Variants in KHDRBS3 observed in about 807,000 individuals in gnomAD.
KHDRBS3 encodes KH RNA binding domain containing, signal transduction associated 3, also known as KH domain-containing, RNA-binding, signal transduction-associated protein 3.
KHDRBS3 carries 23 observed loss-of-function variants against 45.6 expected under a neutral mutation model. That is an observed-to-expected ratio of 0.50 (90% CI 0.36 to 0.72). The LOEUF (loss-of-function observed/expected upper bound fraction) is 0.72. Ranked by LOEUF, KHDRBS3 falls within the 30% of genes least tolerant of loss-of-function variation. KHDRBS3 has a pLI of 0.00. For missense variants in KHDRBS3, 352 were observed against 424.8 expected, an observed-to-expected ratio of 0.83 and a Z score of 1.51; for synonymous variants, 162 against 156.5, an observed-to-expected ratio of 1.04 and a Z score of -0.26.
intron 4 of KHDRBS3, among the ~76,000 whole-genome samples, chr8:135,555,299 C>T (rs575436391): frequency 2.6e-4 from 40 of 152,074 alleles, no homozygotes; most frequent in Middle Eastern, 3.2e-3. Flanking sequence ...CCACGTGCCA[C>T]ATGTGGCCCA....
In KHDRBS3 at chr8:135,462,237, GTT is replaced by G. The variant is rs541659142; in HGVS notation, c.88+4297_88+4298del. Among the ~76,000 whole-genome samples, 288 of 140,262 alleles carry G rather than the reference GTT, an allele frequency of 2.1e-3. 1 individual carries two copies. Among genetic ancestry groups the G allele is most frequent in the African/African-American group, 4.6e-3 (176 of 38,660 alleles). The allele number at this position is 140,262 out of a possible 152,430, so 92.0% of individuals were successfully genotyped here. The stretch of plus-strand genomic sequence containing the variant: ...TTTATTGTTTTTCTTTGTGTTATCA[GTT>G]TTTTTTTTTTTTTAAGAAAATGCGA... On this transcript the variant is annotated intron_variant, in intron 1 of 8. Coordinates refer to ENST00000355849, the MANE Select transcript of KHDRBS3 (RefSeq NM_006558.3).
intron 7 of KHDRBS3, among the ~76,000 whole-genome samples, chr8:135,638,341 C>T (rs1830906053): frequency 6.6e-6 from 1 of 152,166 alleles, no homozygotes; most frequent in African/African-American, 2.4e-5. Context: ...AGAGACAAAG[C>T]GTACGTTACT....
At chr8:135,585,732 A>G (rs895538241) in intron 6 of KHDRBS3, among the ~76,000 whole-genome samples, 9 of 152,200 alleles carry the variant, frequency 5.9e-5, no homozygotes, top group African/African-American at 2.2e-4. Flanking sequence ...TCCAGTTTTC[A>G]AAAGATTATT....
intron 4 of KHDRBS3, among the ~76,000 whole-genome samples, chr8:135,655,148 C>T (rs1831506026): frequency 6.6e-6 from 1 of 152,216 alleles, no homozygotes; most frequent in Non-Finnish European, 1.5e-5. Context: ...ATGCCCTCAT[C>T]AATAGATTTA....
chr8:135,528,147 T>TCTTA (rs1825287422), intron 2 of KHDRBS3, among the ~76,000 whole-genome samples: 1 of 152,214 alleles, frequency 6.6e-6, no homozygotes, highest in Non-Finnish European at 1.5e-5. Context: ...AGTAACTTTG[T>TCTTA]CTTAACCAGC....
intron 1 of KHDRBS3, among the ~76,000 whole-genome samples, chr8:135,474,472 C>T (rs1312875205): frequency 6.6e-6 from 1 of 152,168 alleles, no homozygotes; most frequent in East Asian, 1.9e-4. Context: ...AACTCAGGTA[C>T]TTCTGTGCTA....
rs115763789 is a variant in KHDRBS3, at chr8:135,598,820, G to A, written c.808-8135G>A. 4.8e-3 allele frequency among the ~76,000 whole-genome samples: 735 copies of A among 152,216 alleles called. 6 individuals carry two copies. Among genetic ancestry groups the A allele is most frequent in the African/African-American group, 0.017 (687 of 41,528 alleles). On this transcript the variant is annotated intron_variant, in intron 6 of 8. Transcript: ENST00000355849. The stretch of plus-strand genomic sequence containing the variant: ...CAAATTATAAGACTAAGCTTTTAAC[G>A]TTGCGTTTTATATGAAAACTTTTTA...
chr8:135,602,839 T>G (rs1357059208), intron 6 of KHDRBS3, among the ~76,000 whole-genome samples: 2 of 152,166 alleles, frequency 1.3e-5, no homozygotes, highest in Admixed American at 6.5e-5. Flanking sequence ...AAATCCTTAT[T>G]CCTTAACTTG....
chr8:135,633,333 C>T (rs796835397), intron 7 of KHDRBS3, among the ~76,000 whole-genome samples: 2 of 152,158 alleles, frequency 1.3e-5, no homozygotes, highest in South Asian at 2.1e-4. Flanking sequence ...CTGCACAGTG[C>T]GGTGTTCATG....
At chr8:135,480,707 T>C (rs908969237) in intron 1 of KHDRBS3, among the ~76,000 whole-genome samples, 1 of 152,156 alleles carries the variant, frequency 6.6e-6, no homozygotes, top group East Asian at 1.9e-4. Flanking sequence ...GAGATAACTA[T>C]TGGTTATATT....
At chr8:135,536,537 T>TA (rs1326869005) in intron 2 of KHDRBS3, among the ~76,000 whole-genome samples, 1 of 152,096 alleles carries the variant, frequency 6.6e-6, no homozygotes, top group Non-Finnish European at 1.5e-5. Context: ...ACTTGTGTTT[T>TA]AAAAAGACCT....
At chr8:135,480,277 G>A (rs1822497980) in intron 1 of KHDRBS3, among the ~76,000 whole-genome samples, 1 of 152,166 alleles carries the variant, frequency 6.6e-6, no homozygotes, top group Non-Finnish European at 1.5e-5. Flanking sequence ...TTGTCTTGGA[G>A]AGTCTAGTCA....
At chr8:135,536,251 T>G (rs1214358499) in intron 2 of KHDRBS3, among the ~76,000 whole-genome samples, 1 of 131,170 alleles carries the variant, frequency 7.6e-6, no homozygotes, top group Non-Finnish European at 1.6e-5. Context: ...TTTTTTTTTT[T>G]TTTTTTTTTT....
At chr8:135,583,912 G>A (rs185931449) in intron 6 of KHDRBS3, among the ~76,000 whole-genome samples, 2 of 152,178 alleles carry the variant, frequency 1.3e-5, no homozygotes, top group Non-Finnish European at 2.9e-5. Context: ...TGGGTTTGCT[G>A]CTTGTACTTT....
chr8:135,641,987 A>G (rs571354635), intron 7 of KHDRBS3, among the ~76,000 whole-genome samples: 18 of 152,346 alleles, frequency 1.2e-4, no homozygotes, highest in Admixed American at 1.1e-3. Context: ...CCATAACTGT[A>G]TATTATTCCG....
At chr8:135,482,199 A>G (rs1217985263) in intron 1 of KHDRBS3, among the ~76,000 whole-genome samples, 1 of 152,234 alleles carries the variant, frequency 6.6e-6, no homozygotes, top group Admixed American at 6.5e-5. Flanking sequence ...CATTAATGTC[A>G]CTGGACATTA....
At chr8:135,494,567 CG>C (rs1563720763) in intron 1 of KHDRBS3, among the ~76,000 whole-genome samples, 2 of 152,156 alleles carry the variant, frequency 1.3e-5, no homozygotes, top group Admixed American at 1.3e-4. Context: ...CTTGAGCCAC[CG>C]CGCCCAGCCC....
chr8:135,511,722 A>G (rs1048465533), intron 1 of KHDRBS3, among the ~76,000 whole-genome samples: 7 of 151,062 alleles, frequency 4.6e-5, no homozygotes, highest in Admixed American at 4.6e-4. Context: ...CGCCAGGCTA[A>G]TTTTTTTTTG....
intron 5 of KHDRBS3, 35 bp downstream of exon 5, chr8:135,557,622 TG>T: frequency 1.3e-6 from 2 of 1,540,828 alleles, no homozygotes; most frequent in South Asian, 1.1e-5. Flanking sequence ...TAACATACCG[TG>T]GCAGCAGTTT....
Sources: allele counts gnomAD v4.1 joint callset (sites outside exome capture counted in the v4.1 genomes callset), GRCh38; gene constraint gnomAD v4.1.1; transcripts MANE v1.5; gene names NCBI Gene and HGNC (gene_info 2026-07-23, HGNC 2026-07-21).